Variants in CAMSAP2 observed in about 807,000 individuals in gnomAD.
CAMSAP2 encodes calmodulin-regulated spectrin-associated protein 2.
Under a neutral mutation model 146.1 loss-of-function variants are expected in CAMSAP2, and 26 were observed. That is an observed-to-expected ratio of 0.18 (90% CI 0.13 to 0.25). CAMSAP2 has a LOEUF of 0.25. Among genes scored for constraint, CAMSAP2 ranks in the 10% least tolerant of loss-of-function variants. CAMSAP2 has a pLI of 1.00. For synonymous variants in CAMSAP2, 499 were observed against 596.6 expected (o/e 0.84, Z 2.38); for missense variants, 1,381 against 1,759.3 (o/e 0.78, Z 3.85).
rs746581624 is a variant in CAMSAP2 at position 200,852,664 on chromosome 1, A to G, written c.3589A>G (p.Lys1197Glu). 3.7e-6 allele frequency: 6 copies of G among 1,613,296 alleles called. No individual in the cohort carries two copies. Among genetic ancestry groups the G allele is most frequent in the South Asian group, 1.1e-5 (1 of 90,922 alleles). ...QQLEAEMEHK[K>E]EETRRKTEEE... ...GTTGGAAGCAGAAATGGAGCATAAG[A>G]AGGAGGAAACAAGGTAAAGGAAATT... Residue 1197 changes from lysine (K) to glutamate (E), a missense_variant, in exon 12 of 17, where the codon AAG becomes GAG. This residue lies in a region of CAMSAP2 where 560 missense variants were observed against 715.9 expected (regional missense o/e 0.78). Transcript: ENST00000358823.
At chr1:200,815,311 A>G (rs1206434504) in intron 3 of CAMSAP2, among the ~76,000 whole-genome samples, 3 of 152,160 alleles carry the variant, frequency 2.0e-5, no homozygotes, top group Non-Finnish European at 4.4e-5. Context: ...TAGCGCTCCA[A>G]CCAGTTCCTG....
chr1:200,759,033 C>T (rs2102999766), intron 1 of CAMSAP2, among the ~76,000 whole-genome samples: 1 of 152,240 alleles, frequency 6.6e-6, no homozygotes, highest in South Asian at 2.1e-4. Flanking sequence ...TCAGCACCTC[C>T]TTGTTAGCTA....
intron 2 of CAMSAP2, among the ~76,000 whole-genome samples, chr1:200,802,509 A>G (rs549010564): frequency 2.4e-4 from 36 of 152,338 alleles, no homozygotes; most frequent in African/African-American, 8.2e-4. Context: ...TTGAAAAACT[A>G]TAGAGTTTAA....
intron 2 of CAMSAP2, among the ~76,000 whole-genome samples, chr1:200,769,146 G>A (rs1316921887): frequency 2.6e-5 from 4 of 152,286 alleles, no homozygotes; most frequent in Admixed American, 2.6e-4. Flanking sequence ...TCCTTTGAGA[G>A]CCTCGGGGTC....
chr1:200,855,007 C>T (rs1667712800), intron 14 of CAMSAP2, 118 bp downstream of exon 14: 1 of 689,350 alleles, frequency 1.5e-6, no homozygotes, highest in African/African-American at 1.8e-5. Flanking sequence ...ATCATAATCA[C>T]AAATTTTACT....
At chr1:200,790,648 C>T (rs1665723955) in intron 2 of CAMSAP2, among the ~76,000 whole-genome samples, 1 of 152,138 alleles carries the variant, frequency 6.6e-6, no homozygotes, top group Non-Finnish European at 1.5e-5. Flanking sequence ...GTGTTCTCAC[C>T]TTTCTTTCAG....
At chr1:200,773,707 A>G (rs1665184053) in intron 2 of CAMSAP2, among the ~76,000 whole-genome samples, 1 of 152,066 alleles carries the variant, frequency 6.6e-6, no homozygotes. Flanking sequence ...TAAAAAACTA[A>G]TAGTAGACAC....
intron 2 of CAMSAP2, among the ~76,000 whole-genome samples, chr1:200,785,677 A>ACGGCACCCAGCCAAT (rs1244585619): frequency 2.7e-5 from 4 of 149,742 alleles, no homozygotes; most frequent in Non-Finnish European, 3.0e-5. Context: ...GGCGTGAGCC[A>ACGGCACCCAGCCAAT]TGTGCCTGGC....
At position 200,790,485 on chromosome 1, in the gene CAMSAP2, T is replaced by C. The variant is rs140366380; in HGVS notation, c.400-16891T>C. On this transcript the variant is annotated intron_variant, in intron 2 of 16. Coordinates refer to ENST00000358823, the MANE Select transcript of CAMSAP2 (RefSeq NM_203459.4). The stretch of plus-strand genomic sequence containing the variant: ...AGTTTTAACTCTCAGACTTGTTTAC[T>C]CTGAACCTGCAACAATTCATCAGTT... Among the ~76,000 whole-genome samples, 194 of 152,342 alleles carry C rather than the reference T, an allele frequency of 1.3e-3. No individual in the cohort carries two copies. The Middle Eastern group carries it at 0.02, about 16-fold the overall frequency.
chr1:200,789,519 T>C (rs1276582016), intron 2 of CAMSAP2, among the ~76,000 whole-genome samples: 1 of 152,250 alleles, frequency 6.6e-6, no homozygotes, highest in Non-Finnish European at 1.5e-5. Flanking sequence ...GTTCCGGTGA[T>C]CTATTTGTTC....
chr1:200,847,105 G>T, intron 8 of CAMSAP2, 105 bp from the exon 9 acceptor site: 1 of 715,510 alleles, frequency 1.4e-6, no homozygotes, highest in Non-Finnish European at 2.2e-6. Flanking sequence ...TAAAATTTAG[G>T]TTGTAGAATG....
intron 2 of CAMSAP2, among the ~76,000 whole-genome samples, chr1:200,805,717 C>T (rs1484087445): frequency 6.6e-6 from 1 of 152,126 alleles, no homozygotes; most frequent in Non-Finnish European, 1.5e-5. Context: ...AACGACAAAA[C>T]TTAGTCTGTA....
chr1:200,749,713 A>G (rs1271711444), intron 1 of CAMSAP2, among the ~76,000 whole-genome samples: 1 of 152,170 alleles, frequency 6.6e-6, no homozygotes, highest in Non-Finnish European at 1.5e-5. Context: ...AAACTTTTTC[A>G]TCTTTATTTA....
At chr1:200,819,830 A>G (rs1382131139) in intron 4 of CAMSAP2, among the ~76,000 whole-genome samples, 4 of 152,182 alleles carry the variant, frequency 2.6e-5, no homozygotes, top group Non-Finnish European at 5.9e-5. Flanking sequence ...TGCATGAAAT[A>G]TCTAGGAGTA....
intron 4 of CAMSAP2, among the ~76,000 whole-genome samples, chr1:200,827,573 GAA>G (rs1401050497): frequency 6.6e-6 from 1 of 152,108 alleles, no homozygotes; most frequent in Admixed American, 6.5e-5. Flanking sequence ...GGTGCTATAA[GAA>G]AAATTTATTG....
chr1:200,814,361 C>CT (rs1443646069), intron 3 of CAMSAP2, among the ~76,000 whole-genome samples: 2 of 151,718 alleles, frequency 1.3e-5, no homozygotes, highest in Admixed American at 1.3e-4. Context: ...AATCCCAGCA[C>CT]TTTGGGAGGC....
At chr1:200,797,070 T>C (rs1234702048) in intron 2 of CAMSAP2, among the ~76,000 whole-genome samples, 3 of 152,208 alleles carry the variant, frequency 2.0e-5, no homozygotes, top group Admixed American at 6.5e-5. Context: ...CAGTCTATCA[T>C]TGTTGGACAT....
intron 1 of CAMSAP2, among the ~76,000 whole-genome samples, chr1:200,755,299 C>T (rs1367168292): frequency 1.3e-5 from 2 of 152,116 alleles, no homozygotes; most frequent in African/African-American, 4.8e-5. Flanking sequence ...TTTTGCTATC[C>T]ATATAAATAA....
At chr1:200,785,741 G>T (rs374520451) in intron 2 of CAMSAP2, among the ~76,000 whole-genome samples, 11 of 150,264 alleles carry the variant, frequency 7.3e-5, no homozygotes, top group Admixed American at 2.7e-4. Flanking sequence ...AGGCTGGAGT[G>T]CAGTGGCGTG....
Sources: gnomAD v4.1 joint callset for allele counts (sites outside exome capture counted in the v4.1 genomes callset) on GRCh38, gnomAD v4.1.1 for gene constraint, gnomAD v4.1.1 regional missense constraint, MANE v1.5 for transcripts, NCBI Gene and HGNC (gene_info 2026-07-23, HGNC 2026-07-21) for gene names.